SEC14L1: variants seen among roughly 807,000 people sequenced by gnomAD.
SEC14L1 encodes SEC14-like protein 1.
SEC14L1 carries 48 observed loss-of-function variants against 85.3 expected under a neutral mutation model. The observed-to-expected ratio is 0.56, with a 90% CI of 0.45 to 0.72. SEC14L1 has a LOEUF of 0.72. Among genes scored for constraint, SEC14L1 ranks in the 30% least tolerant of loss-of-function variants. The probability of loss-of-function intolerance (pLI) is 0.00; values close to 1 mark genes in which losing one functional copy is unlikely to be tolerated. For missense variants in SEC14L1, 682 were observed against 921.4 expected, an observed-to-expected ratio of 0.74 and a Z score of 3.36; for synonymous variants, 391 against 355.5, an observed-to-expected ratio of 1.10 and a Z score of -1.12.
intron 3 of SEC14L1, among the ~76,000 whole-genome samples, chr17:77,162,612 C>T (rs1974113450): frequency 6.6e-6 from 1 of 152,064 alleles, no homozygotes; most frequent in African/African-American, 2.4e-5. Context: ...GCAGGTGGAT[C>T]ACCTGAGGTC....
At chr17:77,179,140 A>G (rs1974893061) in intron 3 of SEC14L1, among the ~76,000 whole-genome samples, 1 of 152,170 alleles carries the variant, frequency 6.6e-6, no homozygotes, top group Non-Finnish European at 1.5e-5. Context: ...TTGATGCAGA[A>G]TATCTCACAG....
At chr17:77,129,889 C>T (rs1972563361) in intron 3 of SEC14L1, among the ~76,000 whole-genome samples, 1 of 152,118 alleles carries the variant, frequency 6.6e-6, no homozygotes, top group African/African-American at 2.4e-5. Context: ...CCCGCAGCTG[C>T]ACAGCCAGGG....
chr17:77,108,444 T>G (rs4788978), intron 3 of SEC14L1, among the ~76,000 whole-genome samples: 15,282 of 151,960 alleles, frequency 0.1, 1,050 homozygotes, highest in East Asian at 0.26. Flanking sequence ...CAGCATAGAA[T>G]ATGAATGTAT....
At chr17:77,193,396 G>T in intron 5 of SEC14L1, 25 bp from the exon 6 acceptor site, 1 of 1,579,388 alleles carries the variant, frequency 6.3e-7, no homozygotes, top group South Asian at 1.2e-5. Context: ...TTCAGTCAGT[G>T]AGAGTGCTTT....
Position 77,216,043 on chromosome 17 carries a change from TTAGTAGGTAGGGC to T in SEC14L1, c.*2046_*2058del, listed in dbSNP as rs1977042337. ...TCGTAGGTAGGGCTAGTAGGTAGGG[TTAGTAGGTAGGGC>T]TAGTAGGTAGGGCTAGTAGGTAGGG... On this transcript the variant is annotated 3_prime_UTR_variant, in exon 17 of 17. Transcript: ENST00000436233. 1 of 950,682 alleles carries T rather than the reference TTAGTAGGTAGGGC, an allele frequency of 1.1e-6. No homozygotes were observed. Among genetic ancestry groups the T allele is most frequent in the African/African-American group, 2.4e-5 (1 of 42,170 alleles). 58.9% of individuals were successfully genotyped at this position (950,682 alleles called of 1,614,324 possible).
chr17:77,121,412 G>A (rs921468858), intron 3 of SEC14L1, among the ~76,000 whole-genome samples: 38 of 152,082 alleles, frequency 2.5e-4, no homozygotes, highest in African/African-American at 8.5e-4. Flanking sequence ...AGGCTGGAGT[G>A]CAGTGGCACT....
intron 3 of SEC14L1, among the ~76,000 whole-genome samples, chr17:77,118,541 A>G (rs1972228823): frequency 6.6e-6 from 1 of 152,234 alleles, no homozygotes; most frequent in Non-Finnish European, 1.5e-5. Context: ...GGCAATGGAC[A>G]TGCTTCTGTT....
chr17:77,190,897 A>G lies in SEC14L1; in HGVS notation c.158A>G (p.His53Arg). The G allele has an allele frequency of 1.2e-6, 2 of 1,614,234 alleles. No homozygotes were observed. The highest frequency in any genetic ancestry group is 1.7e-6 in the Non-Finnish European group (2 of 1,180,038). Residue 53 changes from histidine to arginine, a missense_variant, in exon 4 of 17, where the codon CAT becomes CGT. This residue lies in a region of SEC14L1 where 139 missense variants were observed against 201.3 expected (regional missense o/e 0.69). Transcript: ENST00000436233. ...NEFKSEDGAI[H>R]VIERRCKLDV... is the part of the protein sequence containing the mutation. ...TTCAAGAGCGAAGATGGGGCTATTC[A>G]TGTCATTGAAAGGCGCTGCAAGCTG...
Position 77,196,286 on chromosome 17 carries a change from G to A in SEC14L1, c.794G>A (p.Trp265Ter). The A allele has an allele frequency of 6.2e-7, 1 of 1,613,754 alleles. No individual in the cohort carries two copies. The highest frequency in any genetic ancestry group is 1.7e-5 in the Admixed American group (1 of 60,010). ...AGCTGCCTCATTAGACTTCGCCAGT[G>A]GCTCCAGGAGACCCACAAGGGCAAA... ...QESCLIRLRQ[W>*]LQETHKGKIP... is the part of the protein sequence containing the mutation. Residue 265 changes from tryptophan to a stop codon, truncating the protein, a stop_gained, in exon 8 of 17, where the codon TGG (tryptophan) becomes TAG (stop). Transcript: ENST00000436233. LOFTEE classifies it high-confidence loss of function.
rs1265159702 is a variant in SEC14L1 at position 77,206,896 on chromosome 17, C to T, written c.1476+34C>T. On this transcript the variant is annotated intron_variant, in intron 13 of 16. Coordinates refer to ENST00000436233, the MANE Select transcript of SEC14L1 (RefSeq NM_001143998.2). The surrounding 1 kb of genome is among the most constrained non-coding windows in gnomAD (Gnocchi z 4.3). ...TGAGGCGAGGAACTGCACATTTGGC[C>T]CCTTATGCAGGTGGGAGAGGTCGGT... 23 of 1,476,934 alleles carry T rather than the reference C, an allele frequency of 1.6e-5. No individual in the cohort carries two copies. The highest frequency in any genetic ancestry group is 3.6e-4 in the Middle Eastern group (2 of 5,540). 91.5% of individuals were successfully genotyped at this position (1,476,934 alleles called of 1,614,324 possible).
chr17:77,107,666 G>A (rs1031955043), intron 3 of SEC14L1, among the ~76,000 whole-genome samples: 2 of 152,124 alleles, frequency 1.3e-5, no homozygotes, highest in African/African-American at 2.4e-5. Context: ...CTCACACACC[G>A]AGGGGCTTGG....
At chr17:77,192,537 C>T (rs181858756) in intron 5 of SEC14L1, among the ~76,000 whole-genome samples, 69 of 152,262 alleles carry the variant, frequency 4.5e-4, no homozygotes, top group African/African-American at 1.1e-3. Context: ...CCAAGGTGCT[C>T]GCTGTGCCGT....
intron 3 of SEC14L1, among the ~76,000 whole-genome samples, chr17:77,163,023 G>A (rs958385868): frequency 6.6e-6 from 1 of 152,064 alleles, no homozygotes; most frequent in African/African-American, 2.4e-5. Flanking sequence ...AGGGGAGTTC[G>A]GTATGCCATC....
upstream of SEC14L1, among the ~76,000 whole-genome samples, chr17:77,140,258 A>T (rs1019146034): frequency 1.3e-5 from 2 of 152,182 alleles, no homozygotes; most frequent in African/African-American, 4.8e-5. Context: ...TCCGAGGGGC[A>T]GGCCCTGGGC....
intron 3 of SEC14L1, among the ~76,000 whole-genome samples, chr17:77,096,474 A>C (rs182512045): frequency 2.5e-4 from 38 of 151,824 alleles, no homozygotes; most frequent in African/African-American, 8.7e-4. Context: ...GGAGAACCGC[A>C]TGAACCTGGG....
At chr17:77,209,312 C>T in intron 13 of SEC14L1, 30 bp from the exon 14 acceptor site, 1 of 1,612,354 alleles carries the variant, frequency 6.2e-7, no homozygotes, top group Non-Finnish European at 8.5e-7. Flanking sequence ...TGTGTTTGCA[C>T]AGGTTTCACT....
At chr17:77,184,942 G>GT (rs1181313469) in intron 3 of SEC14L1, among the ~76,000 whole-genome samples, 2 of 152,194 alleles carry the variant, frequency 1.3e-5, no homozygotes, top group Non-Finnish European at 2.9e-5. Flanking sequence ...AGAGATGAAA[G>GT]TTACATCTAC....
intron 3 of SEC14L1, among the ~76,000 whole-genome samples, chr17:77,099,912 T>G (rs542795789): frequency 0.012 from 1,842 of 152,216 alleles, 44 homozygotes; most frequent in South Asian, 0.047. Flanking sequence ...TTTTTGTTGT[T>G]TTTTTTTAAC....
chr17:77,200,693 CTG>C lies in SEC14L1; in HGVS notation c.1009+24_1009+25del, dbSNP rs2143109417. On this transcript the variant is annotated intron_variant, in intron 9 of 16. Transcript: ENST00000436233. Reference sequence around the variant, plus strand: ...ACAAAGGTACCGGATGGAGTTGAAACTGTGTTTCCATCGTTGTCTTGATGTGT... The same window carrying C: ...ACAAAGGTACCGGATGGAGTTGAAACTGTTTCCATCGTTGTCTTGATGTGT... 4 of 1,600,812 alleles carry C rather than the reference CTG, an allele frequency of 2.5e-6. No individual in the cohort carries two copies. The highest frequency in any genetic ancestry group is 2.2e-5 in the South Asian group (2 of 89,218).
Sources: allele counts gnomAD v4.1 joint callset (sites outside exome capture counted in the v4.1 genomes callset), GRCh38; gene constraint gnomAD v4.1.1; regional missense constraint gnomAD v4.1.1; non-coding constraint Gnocchi (gnomAD v3.1); transcripts MANE v1.5; gene names NCBI Gene and HGNC (gene_info 2026-07-23, HGNC 2026-07-21).